LARP4B: variants seen among roughly 807,000 people sequenced by gnomAD.
LARP4B encodes the protein la-related protein 4B.
LARP4B carries 12 observed loss-of-function variants against 89.8 expected under a neutral mutation model. The ratio of observed to expected loss-of-function variants is 0.13; its 90% CI spans 0.09 to 0.22. The LOEUF (loss-of-function observed/expected upper bound fraction) is 0.22, where lower values mean the gene tolerates loss of function less well. LARP4B is among the 10% of genes least tolerant of loss of function. The pLI is 1.00. For synonymous variants in LARP4B, 367 were observed against 363.3 expected (o/e 1.01, Z -0.12); for missense variants, 757 against 947.7 (o/e 0.80, Z 2.64).
chr10:812,512 T>C lies in LARP4B; in HGVS notation c.*414A>G, dbSNP rs572811759. The C allele has an allele frequency of 2.0e-5, 3 of 148,076 alleles. No homozygotes were observed. In the Admixed American group the frequency reaches 2.0e-4, roughly 10 times the overall value. The allele number at this position is 148,076 out of a possible 1,614,324, so 9.2% of individuals were successfully genotyped here. ...CCCTCATTCATCTGCGGGGACGTTC[T>C]AGAGATATGCACTTACAGACCAGTT... On this transcript the variant is annotated 3_prime_UTR_variant, in exon 18 of 18. Coordinates refer to ENST00000316157, the MANE Select transcript of LARP4B (RefSeq NM_015155.3).
chr10:932,966 G>C (rs1234253139), upstream of LARP4B: 1 of 152,278 alleles, frequency 6.6e-6, no homozygotes, highest in African/African-American at 2.4e-5. Context: ...CTGGGTTCGG[G>C]CCCACGTTGC....
intron 1 of LARP4B, among the ~76,000 whole-genome samples, chr10:891,478 T>C (rs971146587): frequency 2.0e-5 from 3 of 152,212 alleles, no homozygotes; most frequent in Admixed American, 2.0e-4. Context: ...GGAAACCCTA[T>C]CTTTTAGAGA....
At chr10:959,884 C>T in the LARP4B span, among the ~76,000 whole-genome samples, 8 of 146,868 alleles carry the variant, frequency 5.4e-5, no homozygotes, top group Middle Eastern at 3.6e-3. Context: ...TCCACCTCCT[C>T]GTCAATCCAC....
the LARP4B span, among the ~76,000 whole-genome samples, chr10:958,497 A>G: frequency 3.3e-5 from 5 of 152,196 alleles, no homozygotes; most frequent in African/African-American, 1.2e-4. Context: ...TGCCAAGAAA[A>G]GCACCTGTGT....
chr10:943,016 G>A, the LARP4B span, among the ~76,000 whole-genome samples: 11 of 149,888 alleles, frequency 7.3e-5, no homozygotes, highest in Admixed American at 2.0e-4. Flanking sequence ...GCATGGTCTC[G>A]GCTCACTGCA....
intron 14 of LARP4B, 132 bp downstream of exon 14, chr10:820,668 T>C (rs1402937974): frequency 4.9e-6 from 4 of 811,624 alleles, no homozygotes; most frequent in Non-Finnish European, 5.8e-6. Flanking sequence ...TATTACTTAG[T>C]GGATTTCACG....
chr10:845,851 A>G (rs1351498956), intron 5 of LARP4B, among the ~76,000 whole-genome samples: 1 of 152,242 alleles, frequency 6.6e-6, no homozygotes, highest in Non-Finnish European at 1.5e-5. Context: ...TTAGCATGGT[A>G]CAATCATATA....
chr10:829,446 A>AG lies in LARP4B; in HGVS notation c.1063dup (p.Leu355ProfsTer18). 1 of 1,614,122 alleles carries AG rather than the reference A, an allele frequency of 6.2e-7. No individual in the cohort carries two copies. Among genetic ancestry groups the AG allele is most frequent in the Non-Finnish European group, 8.5e-7 (1 of 1,180,010 alleles). On this transcript the variant is annotated frameshift_variant, in exon 11 of 18. Coordinates refer to ENST00000316157, the MANE Select transcript of LARP4B (RefSeq NM_015155.3). LOFTEE classifies it high-confidence loss of function. ...CGTCTGGGGAGTGATCAGGCTGTAC[A>AG]GGGGGAACTGCTGCTGGGGGCTGTA...
At chr10:976,449 C>T in the LARP4B span, among the ~76,000 whole-genome samples, 12 of 150,450 alleles carry the variant, frequency 8.0e-5, no homozygotes, top group Middle Eastern at 3.2e-3. Flanking sequence ...AATGTGCGGT[C>T]CGGCCTAGTA....
At chr10:827,002 C>T (rs1209850908) in intron 11 of LARP4B, among the ~76,000 whole-genome samples, 1 of 152,182 alleles carries the variant, frequency 6.6e-6, no homozygotes, top group African/African-American at 2.4e-5. Context: ...TGGCCGGGCG[C>T]AGTGGCTCAT....
chr10:960,959 G>C, the LARP4B span, among the ~76,000 whole-genome samples: 1 of 152,100 alleles, frequency 6.6e-6, no homozygotes, highest in Admixed American at 6.6e-5. Flanking sequence ...AAAAATCACT[G>C]CCCAAAGCCC....
intron 15 of LARP4B, among the ~76,000 whole-genome samples, chr10:817,265 T>C (rs558771040): frequency 1.3e-5 from 2 of 152,206 alleles, no homozygotes; most frequent in Admixed American, 1.3e-4. Flanking sequence ...CGGCACCTCG[T>C]GGGGCAGCCC....
chr10:838,344 T>C (rs988280607), intron 7 of LARP4B, among the ~76,000 whole-genome samples: 39 of 152,134 alleles, frequency 2.6e-4, no homozygotes, highest in African/African-American at 8.5e-4. Flanking sequence ...CATTGACTGA[T>C]GGAAAATAGT....
the LARP4B span, among the ~76,000 whole-genome samples, chr10:968,792 G>A: frequency 2.6e-5 from 4 of 152,252 alleles, no homozygotes; most frequent in South Asian, 2.1e-4. Context: ...GCGCCTTCGC[G>A]TATGATGGCT....
chr10:923,471 C>A (rs533491737), intron 1 of LARP4B, among the ~76,000 whole-genome samples: 4 of 151,528 alleles, frequency 2.6e-5, no homozygotes, highest in Non-Finnish European at 4.4e-5. Context: ...TGCTCCCCAA[C>A]CTGACCAAAC....
rs201380082 is a variant in LARP4B, at chr10:864,204, G to C, written c.208C>G (p.Leu70Val). The change falls in exon 4 of 18, where the codon CTG (leucine) becomes GTG (valine). Residue 70 changes from leucine (L) to valine (V), a missense_variant. This residue lies in a region of LARP4B where 175 missense variants were observed against 187.0 expected (regional missense o/e 0.94). Coordinates refer to ENST00000316157, the MANE Select transcript of LARP4B (RefSeq NM_015155.3). ...AEVWGAPVLHLEASSAADGVS... is the reference protein window; with the variant it reads ...AEVWGAPVLHVEASSAADGVS... The stretch of plus-strand genomic sequence containing the variant: ...CCGTCAGCAGCACTGCTTGCTTCCA[G>C]ATGTAACACAGGAGCCCCCCACACT... 2.0e-5 allele frequency: 32 copies of C among 1,614,212 alleles called. 1 individual carries two copies. In the Admixed American group the frequency reaches 4.5e-4, roughly 23 times the overall value.
chr10:841,426 C>T (rs150848270), intron 7 of LARP4B, among the ~76,000 whole-genome samples: 161 of 152,226 alleles, frequency 1.1e-3, no homozygotes, highest in African/African-American at 3.8e-3. Context: ...GGAGATGGGA[C>T]GAAATAGGTG....
upstream of LARP4B, among the ~76,000 whole-genome samples, chr10:936,313 G>A (rs760995942): frequency 5.3e-5 from 8 of 151,976 alleles, no homozygotes; most frequent in East Asian, 1.9e-4. Flanking sequence ...GCTCACAAGC[G>A]GGGTCCAAGC....
chr10:960,759 C>A, the LARP4B span, among the ~76,000 whole-genome samples: 2 of 144,778 alleles, frequency 1.4e-5, no homozygotes, highest in Non-Finnish European at 1.5e-5. Context: ...AGGGTCATTA[C>A]CAAATGATTG....
Sources: allele counts gnomAD v4.1 joint callset (sites outside exome capture counted in the v4.1 genomes callset), GRCh38; gene constraint gnomAD v4.1.1; regional missense constraint gnomAD v4.1.1; transcripts MANE v1.5; gene names NCBI Gene and HGNC (gene_info 2026-07-23, HGNC 2026-07-21).